Variants in AKT3 observed in about 807,000 individuals in gnomAD.
The protein encoded by AKT3 is RAC-gamma serine/threonine-protein kinase.
In AKT3, 15 loss-of-function variants were observed where a neutral mutation model predicts 65.3. That is an observed-to-expected ratio of 0.23 (90% CI 0.15 to 0.35). The LOEUF is 0.35. Among genes scored for constraint, AKT3 ranks in the 10% least tolerant of loss-of-function variants. AKT3 has a pLI of 1.00. For synonymous variants in AKT3, 206 were observed against 183.8 expected (o/e 1.12, Z -0.98); for missense variants, 243 against 576.5 (o/e 0.42, Z 5.92).
At chr1:243,730,722 G>A (rs1222509530) in intron 2 of AKT3, among the ~76,000 whole-genome samples, 1 of 152,230 alleles carries the variant, frequency 6.6e-6, no homozygotes, top group African/African-American at 2.4e-5. Context: ...CGGGTGGAGA[G>A]AATGAGAGAG....
At chr1:243,495,098 G>A (rs1235799972), downstream of AKT3, among the ~76,000 whole-genome samples, 1 of 152,206 alleles carries the variant, frequency 6.6e-6, no homozygotes, top group Non-Finnish European at 1.5e-5. Flanking sequence ...CAGGGGACTT[G>A]AGAAAGCTGG....
intron 1 of AKT3, among the ~76,000 whole-genome samples, chr1:243,846,784 A>G (rs1695540242): frequency 6.6e-6 from 1 of 152,222 alleles, no homozygotes. Flanking sequence ...AGGTACAAAC[A>G]AGAAAAACAC....
intron 2 of AKT3, among the ~76,000 whole-genome samples, chr1:243,783,951 A>G (rs1015497764): frequency 6.6e-6 from 1 of 152,200 alleles, no homozygotes; most frequent in African/African-American, 2.4e-5. Flanking sequence ...GAATGCTAAT[A>G]AGTCCAGCCA....
intron 8 of AKT3, among the ~76,000 whole-genome samples, chr1:243,583,197 C>CAT (rs1183764044): frequency 4.6e-5 from 5 of 107,702 alleles, no homozygotes; most frequent in African/African-American, 2.4e-4. Flanking sequence ...TATATATATA[C>CAT]ACACACACAC....
At chr1:243,626,923 G>C (rs1325404907) in intron 6 of AKT3, among the ~76,000 whole-genome samples, 7 of 152,144 alleles carry the variant, frequency 4.6e-5, no homozygotes. Context: ...CCTTCAGTCA[G>C]AACAGGCTAA....
In AKT3 at chr1:243,499,933, C is replaced by G. The variant is rs1669086325; in HGVS notation, c.*5316G>C. 3 of 739,044 alleles carry G rather than the reference C, an allele frequency of 4.1e-6. No homozygotes were observed. The highest frequency in any genetic ancestry group is 4.8e-6 in the Non-Finnish European group (2 of 418,192). 45.8% of individuals were successfully genotyped at this position (739,044 alleles called of 1,614,324 possible). On this transcript the variant is annotated 3_prime_UTR_variant, in exon 14 of 14. Transcript: ENST00000673466. ...GGGCTGGTCCTCATCAACGCGGGCGCTGTCCCCGCACGCAGTCGGGCTGGA... is the reference window on the plus strand; with the variant it reads ...GGGCTGGTCCTCATCAACGCGGGCGGTGTCCCCGCACGCAGTCGGGCTGGA...
intron 13 of AKT3, among the ~76,000 whole-genome samples, chr1:243,494,147 C>T (rs1269291967): frequency 6.6e-6 from 1 of 152,166 alleles, no homozygotes; most frequent in Non-Finnish European, 1.5e-5. Flanking sequence ...AAAAAGCCTC[C>T]TCCTGAACCA....
chr1:243,622,759 T>C (rs1438688438), intron 6 of AKT3, among the ~76,000 whole-genome samples: 6 of 152,218 alleles, frequency 3.9e-5, no homozygotes, highest in Non-Finnish European at 8.8e-5. Flanking sequence ...ATCTGCTTCC[T>C]ACAATAAACC....
At chr1:243,634,785 C>T (rs1679861356) in intron 6 of AKT3, among the ~76,000 whole-genome samples, 1 of 151,730 alleles carries the variant, frequency 6.6e-6, no homozygotes. Flanking sequence ...AATAACAAGA[C>T]CATCAAAATA....
At chr1:243,712,919 G>A (rs746447093) in intron 2 of AKT3, among the ~76,000 whole-genome samples, 6 of 152,000 alleles carry the variant, frequency 3.9e-5, no homozygotes, top group South Asian at 2.1e-4. Flanking sequence ...AAAAATGCAC[G>A]CTTGTCATTT....
chr1:243,543,372 G>A (rs1356593102), intron 12 of AKT3, among the ~76,000 whole-genome samples: 1 of 152,146 alleles, frequency 6.6e-6, no homozygotes, highest in Non-Finnish European at 1.5e-5. Context: ...GACTAAGAAG[G>A]TCCATATTTT....
chr1:243,750,742 T>C (rs768449748), intron 2 of AKT3, among the ~76,000 whole-genome samples: 1 of 151,860 alleles, frequency 6.6e-6, no homozygotes, highest in African/African-American at 2.4e-5. Flanking sequence ...CCATCACACC[T>C]GGCTAATTTT....
intron 2 of AKT3, among the ~76,000 whole-genome samples, chr1:243,818,772 C>A (rs1166428011): frequency 6.6e-6 from 1 of 152,024 alleles, no homozygotes; most frequent in Non-Finnish European, 1.5e-5. Context: ...GAGGCTCCCA[C>A]CAAGAACAAA....
At chr1:243,636,404 T>A (rs1172173913) in intron 6 of AKT3, among the ~76,000 whole-genome samples, 1 of 151,988 alleles carries the variant, frequency 6.6e-6, no homozygotes, top group African/African-American at 2.4e-5. Flanking sequence ...AAAAGTTGGA[T>A]CACTTACTAA....
intron 2 of AKT3, among the ~76,000 whole-genome samples, chr1:243,751,345 C>G (rs1688800306): frequency 6.6e-6 from 1 of 152,208 alleles, no homozygotes; most frequent in Non-Finnish European, 1.5e-5. Context: ...ATAAATGAAG[C>G]AGACATTCAT....
chr1:243,850,366 C>A (rs1695726976), upstream of AKT3, among the ~76,000 whole-genome samples: 1 of 150,994 alleles, frequency 6.6e-6, no homozygotes, highest in Non-Finnish European at 1.5e-5. Flanking sequence ...GAGGAGGAGG[C>A]GGAGACTCTA....
At chr1:243,635,007 C>A (rs1679875619) in intron 6 of AKT3, among the ~76,000 whole-genome samples, 1 of 151,942 alleles carries the variant, frequency 6.6e-6, no homozygotes, top group Admixed American at 6.6e-5. Flanking sequence ...CTCTACCTAA[C>A]AACAGAATCT....
intron 2 of AKT3, among the ~76,000 whole-genome samples, chr1:243,802,605 T>C (rs1296524847): frequency 2.0e-5 from 3 of 152,224 alleles, no homozygotes; most frequent in Non-Finnish European, 2.9e-5. Flanking sequence ...TACAGTATAC[T>C]AGGATTCCTT....
At chr1:243,804,929 T>C (rs1692633939) in intron 2 of AKT3, among the ~76,000 whole-genome samples, 1 of 152,102 alleles carries the variant, frequency 6.6e-6, no homozygotes, top group Non-Finnish European at 1.5e-5. Context: ...TTTTAAATAG[T>C]ATTAGAGTGT....
Sources: gnomAD v4.1 joint callset for allele counts (sites outside exome capture counted in the v4.1 genomes callset) on GRCh38, gnomAD v4.1.1 for gene constraint, MANE v1.5 for transcripts, NCBI Gene and HGNC (gene_info 2026-07-23, HGNC 2026-07-21) for gene names.